AGAP1: variants seen among roughly 807,000 people sequenced by gnomAD.
AGAP1 encodes the protein arf-GAP with GTPase, ANK repeat and PH domain-containing protein 1.
In AGAP1, 29 loss-of-function variants were observed where a neutral mutation model predicts 105.3. The ratio of observed to expected loss-of-function variants is 0.28; its 90% CI spans 0.21 to 0.38. The LOEUF (loss-of-function observed/expected upper bound fraction) is 0.38. Among genes scored for constraint, AGAP1 ranks in the 10% least tolerant of loss-of-function variants. AGAP1 has a pLI of 1.00. For missense variants in AGAP1, 998 were observed against 1,165.1 expected (o/e 0.86, Z 2.09); for synonymous variants, 509 against 485.9 (o/e 1.05, Z -0.63).
intron 1 of AGAP1, among the ~76,000 whole-genome samples, chr2:235,607,403 G>A (rs749130038): frequency 6.6e-5 from 10 of 152,182 alleles, no homozygotes; most frequent in Non-Finnish European, 1.5e-4. Flanking sequence ...CTATTATACA[G>A]AATTATTAGT....
At chr2:236,085,730 C>T (rs1267439411) in intron 16 of AGAP1, among the ~76,000 whole-genome samples, 4 of 152,236 alleles carry the variant, frequency 2.6e-5, no homozygotes, top group African/African-American at 7.2e-5. Context: ...GACCAGGGAC[C>T]ATGTGGTGGC....
chr2:235,777,016 C>T lies in AGAP1; in HGVS notation c.674-20743C>T, dbSNP rs766248979. 9 of 471,176 alleles carry T rather than the reference C, an allele frequency of 1.9e-5. No homozygotes were observed. The highest frequency in any genetic ancestry group is 1.4e-4 in the South Asian group (9 of 64,572). 29.2% of individuals were successfully genotyped at this position (471,176 alleles called of 1,614,324 possible). On this transcript the variant is annotated intron_variant, in intron 6 of 17. Coordinates refer to ENST00000304032, the MANE Select transcript of AGAP1 (RefSeq NM_001037131.3). This position sits in a 1 kb window ranked among gnomAD's most constrained non-coding sequence, Gnocchi z 5.1. Reference sequence around the variant, plus strand: ...CCAGCACGTTTTATCATGTGAGCGTCTGCTCTTGAGAGGCCAGGCTGGATC... The same window carrying T: ...CCAGCACGTTTTATCATGTGAGCGTTTGCTCTTGAGAGGCCAGGCTGGATC...
chr2:236,129,391 A>C lies in AGAP1; in HGVS notation c.*5269A>C, dbSNP rs2060052982. 6.6e-6 allele frequency: 1 copy of C among 152,264 alleles called. No individual in the cohort carries two copies. Among genetic ancestry groups the C allele is most frequent in the Admixed American group, 6.5e-5 (1 of 15,282 alleles). The allele number at this position is 152,264 out of a possible 1,614,324, so 9.4% of individuals were successfully genotyped here. A position where few individuals can be genotyped will look rare whatever the true frequency, so the allele number is the denominator to read the frequency against. ...AATGTCAGCTTTCCTCCCATTATGC[A>C]GGAGAGAGAAGGGGCGCAGGTGTAT... On this transcript the variant is annotated 3_prime_UTR_variant, in exon 18 of 18. Transcript: ENST00000304032. The surrounding 1 kb of genome is among the most constrained non-coding windows in gnomAD (Gnocchi z 6.2).
In AGAP1 at chr2:235,927,986, G is replaced by A. The variant is rs992017340; in HGVS notation, c.1325-2779G>A. 3.3e-5 allele frequency among the ~76,000 whole-genome samples: 5 copies of A among 152,190 alleles called. No individual in the cohort carries two copies. Among genetic ancestry groups the A allele is most frequent in the African/African-American group, 9.7e-5 (4 of 41,446 alleles). On this transcript the variant is annotated intron_variant, in intron 11 of 17. Coordinates refer to ENST00000304032, the MANE Select transcript of AGAP1 (RefSeq NM_001037131.3). The surrounding 1 kb of genome is among the most constrained non-coding windows in gnomAD (Gnocchi z 4.4). The stretch of plus-strand genomic sequence containing the variant: ...CAGGGGTCTGATTGGGCATTGCAGT[G>A]TGGAAGGAATTACCTCCTTATCATC...
chr2:235,644,065 C>G (rs1405167956), intron 1 of AGAP1, among the ~76,000 whole-genome samples: 2 of 152,134 alleles, frequency 1.3e-5, no homozygotes, highest in African/African-American at 4.8e-5. Flanking sequence ...CAGTCTATTG[C>G]AAAGCAGCCT....
At position 235,559,805 on chromosome 2, in the gene AGAP1, A is replaced by G. The variant is rs1375559011; in HGVS notation, c.163+64956A>G. 6.6e-6 allele frequency among the ~76,000 whole-genome samples: 1 copy of G among 151,910 alleles called. No homozygotes were observed. The highest frequency in any genetic ancestry group is 1.9e-4 in the East Asian group (1 of 5,180). On this transcript the variant is annotated intron_variant, in intron 1 of 17. Transcript: ENST00000304032. This position sits in a 1 kb window ranked among gnomAD's most constrained non-coding sequence, Gnocchi z 5.7. ...TATATTTGTATATCTTAGGAGAAATACCTATTCAAATCTTTTGACTGTTTT... is the reference window on the plus strand; with the variant it reads ...TATATTTGTATATCTTAGGAGAAATGCCTATTCAAATCTTTTGACTGTTTT...
At chr2:235,911,264 T>C (rs1553674474) in intron 11 of AGAP1, among the ~76,000 whole-genome samples, 1 of 152,072 alleles carries the variant, frequency 6.6e-6, no homozygotes. Context: ...CCCCTGTTGT[T>C]GGGGAGAAAG....
rs2125314176 is a variant in AGAP1, at chr2:235,961,556, G to A, written c.1484-6906G>A. Among the ~76,000 whole-genome samples, 1 of 152,312 alleles carries A rather than the reference G, an allele frequency of 6.6e-6. No individual in the cohort carries two copies. Among genetic ancestry groups the A allele is most frequent in the South Asian group, 2.1e-4 (1 of 4,826 alleles). On this transcript the variant is annotated intron_variant, in intron 12 of 17. Transcript: ENST00000304032. The surrounding 1 kb of genome is among the most constrained non-coding windows in gnomAD (Gnocchi z 5.9). ...CCCTAGGGAGTTGTGCTTTAAAGAA[G>A]GGCAGGAGTCAAATGTCCAGGGTGG...
chr2:235,781,322 T>G (rs1956248612), intron 6 of AGAP1, among the ~76,000 whole-genome samples: 1 of 152,250 alleles, frequency 6.6e-6, no homozygotes, highest in Non-Finnish European at 1.5e-5. Context: ...TCGACATTCA[T>G]ATCCCTTGGA....
intron 1 of AGAP1, among the ~76,000 whole-genome samples, chr2:235,694,795 TCTC>T (rs770357290): frequency 3.9e-5 from 6 of 152,276 alleles, no homozygotes; most frequent in Admixed American, 6.5e-5. Flanking sequence ...GGGGTGCTCT[TCTC>T]CTCTCCTGAG....
At chr2:235,686,695 T>C (rs1949467555) in intron 1 of AGAP1, among the ~76,000 whole-genome samples, 1 of 139,394 alleles carries the variant, frequency 7.2e-6, no homozygotes, top group African/African-American at 2.7e-5. Flanking sequence ...AGAGTCTTGC[T>C]CTGAAGCCCA....
At chr2:235,594,882 T>TC (rs1945468652) in intron 1 of AGAP1, among the ~76,000 whole-genome samples, 2 of 120,504 alleles carry the variant, frequency 1.7e-5, no homozygotes, top group African/African-American at 6.8e-5. Flanking sequence ...CCCAGATTGC[T>TC]GTTTTTTTTT....
intron 9 of AGAP1, among the ~76,000 whole-genome samples, chr2:235,853,756 G>A: frequency 6.6e-6 from 1 of 150,406 alleles, no homozygotes; most frequent in Non-Finnish European, 1.5e-5. Context: ...AACAAATGAG[G>A]TCATTTTTGT....
At position 235,750,359 on chromosome 2, in the gene AGAP1, A is replaced by G. The variant is rs553582318; in HGVS notation, c.544A>G (p.Ile182Val). 10 of 1,614,188 alleles carry G rather than the reference A, an allele frequency of 6.2e-6. No individual in the cohort carries two copies. The East Asian group carries it at 8.9e-5, about 14-fold the overall frequency. ...PLVLVGTQDA[I>V]SSANPRVIDD... ...TTTTTGGTCTTCTGTTCCAGATGCC[A>G]TAAGTTCTGCTAACCCGAGGGTCAT... The change falls in exon 6 of 18, where the codon ATA (isoleucine) becomes GTA (valine). Residue 182 changes from isoleucine (I) to valine (V), a missense_variant. Ile to Val is a conservative substitution (Grantham distance 29). This residue lies in a region of AGAP1 where 735 missense variants were observed against 833.4 expected (regional missense o/e 0.88). Transcript: ENST00000304032. This position sits in a 1 kb window ranked among gnomAD's most constrained non-coding sequence, Gnocchi z 5.3.
chr2:235,527,911 T>C (rs6745429), intron 1 of AGAP1, among the ~76,000 whole-genome samples: 3,995 of 152,290 alleles, frequency 0.026, 188 homozygotes, highest in African/African-American at 0.091. Context: ...CATCTAGCAA[T>C]ATCATAAGTA....
rs2125756862 is a variant in AGAP1 at position 236,061,243 on chromosome 2, G to A, written c.2114+11962G>A. Among the ~76,000 whole-genome samples, 1 of 152,322 alleles carries A rather than the reference G, an allele frequency of 6.6e-6. No homozygotes were observed. The highest frequency in any genetic ancestry group is 1.9e-4 in the East Asian group (1 of 5,188). On this transcript the variant is annotated intron_variant, in intron 16 of 17. Coordinates refer to ENST00000304032, the MANE Select transcript of AGAP1 (RefSeq NM_001037131.3). This position sits in a 1 kb window ranked among gnomAD's most constrained non-coding sequence, Gnocchi z 4.1. ...TCTTGGACGGTCGTGGCAAGTGTTG[G>A]TGAGGAACGTGGAGACACTGGTGCA...
intron 1 of AGAP1, among the ~76,000 whole-genome samples, chr2:235,681,890 ACG>A (rs1949095817): frequency 7.9e-6 from 1 of 125,804 alleles, no homozygotes; most frequent in African/African-American, 3.0e-5. Context: ...TCACTCCGTC[ACG>A]CAGGCTGGAG....
rs557509526 is a variant in AGAP1, at chr2:235,983,154, C to G, written c.1645+14531C>G. On this transcript the variant is annotated intron_variant, in intron 13 of 17. Transcript: ENST00000304032. This position sits in a 1 kb window ranked among gnomAD's most constrained non-coding sequence, Gnocchi z 4.5. ...CTCCCAGGATGCTGGGGCTGGTGGACGACCCCAGAGAAGGGACAGGATGGG... is the reference window on the plus strand; with the variant it reads ...CTCCCAGGATGCTGGGGCTGGTGGAGGACCCCAGAGAAGGGACAGGATGGG... 6.6e-6 allele frequency among the ~76,000 whole-genome samples: 1 copy of G among 152,018 alleles called. No homozygotes were observed. The highest frequency in any genetic ancestry group is 2.4e-5 in the African/African-American group (1 of 41,396).
chr2:235,713,673 G>A (rs1406780308), intron 2 of AGAP1, among the ~76,000 whole-genome samples: 2 of 152,234 alleles, frequency 1.3e-5, no homozygotes, highest in African/African-American at 4.8e-5. Context: ...TTTGAGGAAA[G>A]GCACCCAGTT....
Sources: gnomAD v4.1 joint callset for allele counts (sites outside exome capture counted in the v4.1 genomes callset) on GRCh38, gnomAD v4.1.1 for gene constraint, gnomAD v4.1.1 regional missense constraint, Gnocchi (gnomAD v3.1) non-coding constraint, MANE v1.5 for transcripts, NCBI Gene and HGNC (gene_info 2026-07-23, HGNC 2026-07-21) for gene names.